Variants in GLDC observed in about 807,000 individuals in gnomAD.
GLDC encodes glycine dehydrogenase (decarboxylating), mitochondrial.
Under a neutral mutation model 121.3 loss-of-function variants are expected in GLDC, and 104 were observed. That is an observed-to-expected ratio of 0.86 (90% confidence interval 0.73 to 1.01). The LOEUF (loss-of-function observed/expected upper bound fraction) is 1.01. GLDC is among the 50% of genes least tolerant of loss of function. The probability of loss-of-function intolerance (pLI) is 0.00; values close to 1 mark genes in which losing one functional copy is unlikely to be tolerated. For missense variants in GLDC, 1,429 were observed against 1,306.6 expected, an observed-to-expected ratio of 1.09 and a Z score of -1.44; for synonymous variants, 546 against 480.6, an observed-to-expected ratio of 1.14 and a Z score of -1.78.
chr9:6,616,125 T>C (rs766898482), intron 3 of GLDC, among the ~76,000 whole-genome samples: 2 of 152,200 alleles, frequency 1.3e-5, no homozygotes, highest in Admixed American at 1.3e-4. Context: ...AATGACCCAT[T>C]GGCTCTTGAA....
At chr9:6,598,438 TAA>T (rs2129872400) in intron 8 of GLDC, among the ~76,000 whole-genome samples, 2 of 152,182 alleles carry the variant, frequency 1.3e-5, no homozygotes, top group East Asian at 3.9e-4. Flanking sequence ...TTTCAGAGAT[TAA>T]AAAAGAGTCA....
chr9:6,593,691 CTT>C (rs201795236), intron 9 of GLDC, among the ~76,000 whole-genome samples: 83 of 133,078 alleles, frequency 6.2e-4, no homozygotes, highest in African/African-American at 1.7e-3. Flanking sequence ...GATTTAATCA[CTT>C]TTTTTTTTTT....
Position 6,556,148 on chromosome 9 carries a change from C to T in GLDC, c.2202+5G>A, listed in dbSNP as rs1444701090. 1 of 1,610,422 alleles carries T rather than the reference C, an allele frequency of 6.2e-7. No individual in the cohort carries two copies. On this transcript the variant is annotated splice_donor_5th_base_variant and intron_variant, in intron 18 of 24. Transcript: ENST00000321612. ...GAACTAAGGGCGGGCCTCTTCAGTT[C>T]CCACCTGAGCATTCATATTTGCCCC...
At chr9:6,631,780 A>G (rs1337094443) in intron 2 of GLDC, among the ~76,000 whole-genome samples, 1 of 152,206 alleles carries the variant, frequency 6.6e-6, no homozygotes, top group Admixed American at 6.5e-5. Flanking sequence ...GATCAAAGGC[A>G]TATGGGCTGG....
chr9:6,602,783 C>T (rs1818643626), intron 7 of GLDC, among the ~76,000 whole-genome samples: 1 of 152,132 alleles, frequency 6.6e-6, no homozygotes, highest in South Asian at 2.1e-4. Flanking sequence ...TTAAGTTTCA[C>T]TCTGAACTTC....
At chr9:6,643,578 C>T (rs13300114) in intron 2 of GLDC, among the ~76,000 whole-genome samples, 9,826 of 151,474 alleles carry the variant, frequency 0.065, 435 homozygotes, top group Middle Eastern at 0.13. Flanking sequence ...TATGGATTGT[C>T]CCCCCACCCC....
Position 6,576,012 on chromosome 9 carries a change from T to A in GLDC, c.1851-10583A>T, listed in dbSNP as rs554893461. Among the ~76,000 whole-genome samples the A allele has an allele frequency of 2.0e-5, 3 of 152,360 alleles. No homozygotes were observed. In the South Asian group the frequency reaches 6.2e-4, roughly 32 times the overall value. ...ATAGGAGAAAATAGGGATAAGCTTC[T>A]TGACATTTTTTCTTTCAGGCCCTTC... is the stretch of plus-strand genomic sequence containing the variant. On this transcript the variant is annotated intron_variant, in intron 15 of 24. Coordinates refer to ENST00000321612, the MANE Select transcript of GLDC (RefSeq NM_000170.3).
At chr9:6,577,896 G>C (rs373234173) in intron 15 of GLDC, among the ~76,000 whole-genome samples, 16 of 151,250 alleles carry the variant, frequency 1.1e-4, no homozygotes, top group East Asian at 9.8e-4. Flanking sequence ...GTTGTTTTAG[G>C]GTGGAAGATT....
At chr9:6,634,815 C>A (rs1256656135) in intron 2 of GLDC, among the ~76,000 whole-genome samples, 1 of 152,084 alleles carries the variant, frequency 6.6e-6, no homozygotes, top group East Asian at 1.9e-4. Context: ...TTGGAGGCTC[C>A]CCTTCCCTCT....
intron 15 of GLDC, among the ~76,000 whole-genome samples, chr9:6,582,101 G>C (rs1587942288): frequency 2.7e-5 from 4 of 150,924 alleles, no homozygotes; most frequent in Admixed American, 6.7e-5. Context: ...TGTAATCCCA[G>C]CTACTTGGGA....
In GLDC at chr9:6,637,422, A is replaced by C. The variant is rs2918177; in HGVS notation, c.334+7192T>G. On this transcript the variant is annotated intron_variant, in intron 2 of 24. Transcript: ENST00000321612. ...CTTCTCTCAAAAAAAAAAAAAAGAT[A>C]CTTTATCAAGATTGAGGGTTTTTTA... 2.0e-5 allele frequency among the ~76,000 whole-genome samples: 3 copies of C among 151,122 alleles called. No individual in the cohort carries two copies. In the South Asian group the frequency reaches 6.2e-4, roughly 31 times the overall value.
At chr9:6,554,149 G>C (rs1161604578) in intron 19 of GLDC, among the ~76,000 whole-genome samples, 1 of 152,166 alleles carries the variant, frequency 6.6e-6, no homozygotes, top group African/African-American at 2.4e-5. Flanking sequence ...AGTGTAAAAA[G>C]TTATCCACAG....
At position 6,610,302 on chromosome 9, in the gene GLDC, A is replaced by G. The variant is rs924137472; in HGVS notation, c.525T>C (p.Ser175=). 6 of 1,613,358 alleles carry G rather than the reference A, an allele frequency of 3.7e-6. No homozygotes were observed. The highest frequency in any genetic ancestry group is 4.2e-6 in the Non-Finnish European group (5 of 1,179,704). Residue 175 remains serine, a synonymous_variant, in exon 4 of 25, where the codon AGT becomes AGC. Coordinates refer to ENST00000321612, the MANE Select transcript of GLDC (RefSeq NM_000170.3). ...QPEVSQGRLE[S]LLNYQTMVCD... ...ACACCATGGTCTGGTAGTTGAGTAA[A>G]CTCTCCAGCCTCCCCTGAGACACCT...
At chr9:6,618,732 A>G (rs10123971) in intron 3 of GLDC, among the ~76,000 whole-genome samples, 39,689 of 152,114 alleles carry the variant, frequency 0.26, 6,613 homozygotes, top group African/African-American at 0.47. Context: ...AGTGAGGACC[A>G]GAGTGGGCAG....
intron 15 of GLDC, among the ~76,000 whole-genome samples, chr9:6,578,988 C>T (rs551983257): frequency 5.9e-5 from 9 of 152,296 alleles, no homozygotes; most frequent in Admixed American, 5.9e-4. Context: ...CTGTTTTCAA[C>T]ATGCCCTTAT....
At chr9:6,598,838 A>G (rs1397845300) in intron 8 of GLDC, among the ~76,000 whole-genome samples, 1 of 152,210 alleles carries the variant, frequency 6.6e-6, no homozygotes, top group East Asian at 1.9e-4. Context: ...TTTCAACCCA[A>G]GTTAAATAAT....
At chr9:6,640,050 C>G (rs1819597153) in intron 2 of GLDC, among the ~76,000 whole-genome samples, 1 of 152,154 alleles carries the variant, frequency 6.6e-6, no homozygotes, top group Non-Finnish European at 1.5e-5. Flanking sequence ...CTAGTAAATC[C>G]TCAGACAGCT....
intron 21 of GLDC, among the ~76,000 whole-genome samples, chr9:6,547,128 G>C (rs1817410844): frequency 6.6e-6 from 1 of 152,076 alleles, no homozygotes; most frequent in Non-Finnish European, 1.5e-5. Context: ...TTACAGGTGT[G>C]AACCAACACA....
chr9:6,587,185 C>G lies in GLDC; in HGVS notation c.1806G>C (p.Leu602Phe). The G allele has an allele frequency of 6.2e-7, 1 of 1,613,968 alleles. No homozygotes were observed. Among genetic ancestry groups the G allele is most frequent in the Admixed American group, 1.7e-5 (1 of 60,014 alleles). ...QQLFRELEKD[L>F]CELTGYDQVC... ...CCTGGTCATAACCTGTGAGTTCACA[C>G]AAATCCTTCTCAAGCTCTCGGAAAA... The change falls in exon 15 of 25, where the codon TTG (leucine) becomes TTC (phenylalanine). Residue 602 changes from leucine to phenylalanine, a missense_variant. Leu to Phe is a conservative substitution (Grantham distance 22, BLOSUM62 0). Coordinates refer to ENST00000321612, the MANE Select transcript of GLDC (RefSeq NM_000170.3).
Sources: gnomAD v4.1 joint callset for allele counts (sites outside exome capture counted in the v4.1 genomes callset) on GRCh38, gnomAD v4.1.1 for gene constraint, MANE v1.5 for transcripts, NCBI Gene and HGNC (gene_info 2026-07-23, HGNC 2026-07-21) for gene names.